PCDH8: variants seen among roughly 807,000 people sequenced by gnomAD.
PCDH8 encodes protocadherin 8, also known as protocadherin-8.
A neutral mutation model predicts 58.2 loss-of-function variants in PCDH8; 36 were observed. The ratio of observed to expected loss-of-function variants is 0.62; its 90% CI spans 0.47 to 0.82. PCDH8 has a LOEUF of 0.82. PCDH8 is among the 40% of genes least tolerant of loss of function. The pLI is 0.00. For missense variants in PCDH8, 1,493 were observed against 1,567.8 expected (o/e 0.95, Z 0.81); for synonymous variants, 775 against 728.9 (o/e 1.06, Z -1.02).
Position 52,844,941 on chromosome 13 carries a change from G to C in PCDH8, c.2840-8C>G, listed in dbSNP as rs371976283. 2 of 1,511,174 alleles carry C rather than the reference G, an allele frequency of 1.3e-6. No individual in the cohort carries two copies. Among genetic ancestry groups the C allele is most frequent in the African/African-American group, 2.8e-5 (2 of 71,594 alleles). 93.6% of individuals were successfully genotyped at this position (1,511,174 alleles called of 1,614,324 possible). ...CGGTGCACGCCCACAGTCCTAATAC[G>C]AAAGGGAAAAGGAAACAGCATGACG... On this transcript the variant is annotated splice_polypyrimidine_tract_variant and splice_region_variant and intron_variant, in intron 2 of 2. Transcript: ENST00000377942.
In PCDH8 at chr13:52,844,503, A is replaced by G; in HGVS notation, c.*57T>C. ...ATATATACAACACTGAAACCGGTCA[A>G]TAACTTAGGGGCTTCTCGGAGTGAC... On this transcript the variant is annotated 3_prime_UTR_variant, in exon 3 of 3. Transcript: ENST00000377942. 6.9e-7 allele frequency: 1 copy of G among 1,456,922 alleles called. No individual in the cohort carries two copies. 90.2% of individuals were successfully genotyped at this position (1,456,922 alleles called of 1,614,324 possible). A position where few individuals can be genotyped will look rare whatever the true frequency, so the allele number is the denominator to read the frequency against.
rs777491120 is a variant in PCDH8 at position 52,845,909 on chromosome 13, G to A, written c.2528C>T (p.Ala843Val). The change falls in exon 1 of 3, where the codon GCG becomes GTG. Residue 843 changes from alanine (A) to valine (V), a missense_variant. Ala to Val is a moderately conservative substitution (Grantham distance 64, BLOSUM62 0). Coordinates refer to ENST00000377942, the MANE Select transcript of PCDH8 (RefSeq NM_002590.4). The part of the protein sequence containing the change: ...GSPAADAPPP[A>V]VAAAEVPGSE... ...GCCCGGCACTTCGGCCGCGGCGACC[G>A]CAGGCGGAGGCGCGTCCGCCGCGGG... is the stretch of plus-strand genomic sequence containing the variant. 1.4e-6 allele frequency: 2 copies of A among 1,477,280 alleles called. No individual in the cohort carries two copies. The highest frequency in any genetic ancestry group is 1.5e-5 in the African/African-American group (1 of 67,630). The allele number at this position is 1,477,280 out of a possible 1,614,324, so 91.5% of individuals were successfully genotyped here. A position where few individuals can be genotyped will look rare whatever the true frequency, so the allele number is the denominator to read the frequency against.
In PCDH8 at chr13:52,846,566, G is replaced by A; in HGVS notation, c.1871C>T (p.Pro624Leu). 6.2e-7 allele frequency: 1 copy of A among 1,603,942 alleles called. No individual in the cohort carries two copies. Among genetic ancestry groups the A allele is most frequent in the African/African-American group, 1.3e-5 (1 of 75,032 alleles). ...AACCGTGTCCTTTGCGGTGCGCCCA[G>A]GCACCGCCACTTCTAGGGAGCCATT... ...PANGSLEVAV[P>L]GRTAKDTVVA... The change falls in exon 1 of 3, where the codon CCT becomes CTT. Residue 624 changes from proline (P) to leucine (L), a missense_variant. Around this residue, in one of 3 missense-constraint regions of PCDH8, gnomAD observed 1,307 missense variants for 1,362.7 expected, o/e 0.96. Transcript: ENST00000377942.
Position 52,847,381 on chromosome 13 carries a change from G to T in PCDH8, c.1056C>A (p.Pro352=), listed in dbSNP as rs1965758404. ...CGGCCAGCGGGGTGATGGCGATGTC[G>T]GGTGCGTTGTCATTGACGTCTCGGA... ...VRIRDVNDNA[P]DIAITPLAAP... Residue 352 remains proline (P), a synonymous_variant, in exon 1 of 3, where the codon CCC becomes CCA. Transcript: ENST00000377942. 6.5e-7 allele frequency: 1 copy of T among 1,531,270 alleles called. No homozygotes were observed. Among genetic ancestry groups the T allele is most frequent in the Admixed American group, 2.0e-5 (1 of 50,194 alleles). 94.9% of individuals were successfully genotyped at this position (1,531,270 alleles called of 1,614,324 possible).
rs1354697808 is a variant in PCDH8 at position 52,846,495 on chromosome 13, C to G, written c.1942G>C (p.Glu648Gln). The change falls in exon 1 of 3, where the codon GAG becomes CAG. Residue 648 changes from glutamate to glutamine, a missense_variant. Physicochemically the swap from Glu to Gln is conservative, Grantham distance 29. Coordinates refer to ENST00000377942, the MANE Select transcript of PCDH8 (RefSeq NM_002590.4). The stretch of plus-strand genomic sequence containing the variant: ...TGCTGCTGCAGCTCGAACGCCAGCT[C>G]CCCGTTGGCTCCCTCGTCTGCATCC... ...ARDADEGANG[E>Q]LAFELQQQEP... 6.3e-7 allele frequency: 1 copy of G among 1,597,876 alleles called. No homozygotes were observed. The highest frequency in any genetic ancestry group is 8.5e-7 in the Non-Finnish European group (1 of 1,179,008).
In PCDH8 at chr13:52,845,585, C is replaced by T. The variant is rs1228048588; in HGVS notation, c.2679G>A (p.Val893=). Residue 893 remains valine (V), a synonymous_variant, in exon 2 of 3, where the codon GTG becomes GTA. Coordinates refer to ENST00000377942, the MANE Select transcript of PCDH8 (RefSeq NM_002590.4). ...PGFGKEPAPP[V]AVWKGHSFNT... ...TGAAGGAGTGTCCTTTCCACACCGC[C>T]ACAGGGGGCGCCGGCTCCTTTCCAA... 1 of 1,614,140 alleles carries T rather than the reference C, an allele frequency of 6.2e-7. No homozygotes were observed. The highest frequency in any genetic ancestry group is 1.1e-5 in the South Asian group (1 of 91,082).
Position 52,845,926 on chromosome 13 carries a change from C to A in PCDH8, c.2511G>T (p.Ala837=). The stretch of plus-strand genomic sequence containing the variant: ...CGGCGACCGCAGGCGGAGGCGCGTC[C>A]GCCGCGGGGCTGCCAAAGGGCGCTT... ...TGKAPFGSPA[A]DAPPPAVAAA... Residue 837 remains alanine, a synonymous_variant, in exon 1 of 3, where the codon GCG becomes GCT. Transcript: ENST00000377942. 2 of 1,480,762 alleles carry A rather than the reference C, an allele frequency of 1.4e-6. No individual in the cohort carries two copies. Among genetic ancestry groups the A allele is most frequent in the South Asian group, 1.3e-5 (1 of 76,802 alleles). 91.7% of individuals were successfully genotyped at this position (1,480,762 alleles called of 1,614,324 possible).
Position 52,847,535 on chromosome 13 carries a change from G to T in PCDH8, c.902C>A (p.Pro301Gln). 4 of 1,578,836 alleles carry T rather than the reference G, an allele frequency of 2.5e-6. No individual in the cohort carries two copies. The highest frequency in any genetic ancestry group is 3.4e-6 in the Non-Finnish European group (4 of 1,169,636). ...PEARRLFRLD[P>Q]RSGRLTLAGP... is the part of the protein sequence containing the mutation. Reference sequence around the variant, plus strand: ...GGCCAGGGTGAGGCGGCCTGATCGCGGGTCAAGCCGAAAGAGGCGGCGCGC... The same window carrying T: ...GGCCAGGGTGAGGCGGCCTGATCGCTGGTCAAGCCGAAAGAGGCGGCGCGC... Residue 301 changes from proline to glutamine, a missense_variant, in exon 1 of 3, where the codon CCG (proline) becomes CAG (glutamine). Pro to Gln is a moderately conservative substitution (Grantham distance 76). Around this residue, in one of 3 missense-constraint regions of PCDH8, gnomAD observed 1,307 missense variants for 1,362.7 expected, o/e 0.96. Transcript: ENST00000377942.
rs1395641520 is a variant in PCDH8, at chr13:52,843,904, T to A, written c.*656A>T. 1 of 152,348 alleles carries A rather than the reference T, an allele frequency of 6.6e-6. No individual in the cohort carries two copies. Among genetic ancestry groups the A allele is most frequent in the African/African-American group, 2.4e-5 (1 of 41,446 alleles). The allele number at this position is 152,348 out of a possible 1,614,324, so 9.4% of individuals were successfully genotyped here. A position where few individuals can be genotyped will look rare whatever the true frequency, so the allele number is the denominator to read the frequency against. Reference sequence around the variant, plus strand: ...CAAATAATTAGCACTTGAAAGAAGGTTTCATTCTGATACTCAAATTATTTG... The same window carrying A: ...CAAATAATTAGCACTTGAAAGAAGGATTCATTCTGATACTCAAATTATTTG... On this transcript the variant is annotated 3_prime_UTR_variant, in exon 3 of 3. Coordinates refer to ENST00000377942, the MANE Select transcript of PCDH8 (RefSeq NM_002590.4).
chr13:52,843,756 A>T lies in PCDH8; in HGVS notation c.*804T>A, dbSNP rs1001196346. ...GAATAAATGAGAGCAGGGATTTTAT[A>T]GACTAATACATATGGAGATGCACAT... is the stretch of plus-strand genomic sequence containing the variant. On this transcript the variant is annotated 3_prime_UTR_variant, in exon 3 of 3. Coordinates refer to ENST00000377942, the MANE Select transcript of PCDH8 (RefSeq NM_002590.4). 2.6e-5 allele frequency: 4 copies of T among 152,250 alleles called. No individual in the cohort carries two copies. The highest frequency in any genetic ancestry group is 9.6e-5 in the African/African-American group (4 of 41,476). The allele number at this position is 152,250 out of a possible 1,614,324, so 9.4% of individuals were successfully genotyped here.
In PCDH8 at chr13:52,842,992, G is replaced by T. The variant is rs1333153693; in HGVS notation, c.*1568C>A. 2 of 152,054 alleles carry T rather than the reference G, an allele frequency of 1.3e-5. No individual in the cohort carries two copies. The highest frequency in any genetic ancestry group is 2.4e-5 in the African/African-American group (1 of 41,382). The allele number at this position is 152,054 out of a possible 1,614,324, so 9.4% of individuals were successfully genotyped here. A position where few individuals can be genotyped will look rare whatever the true frequency, so the allele number is the denominator to read the frequency against. ...TTTTGGCATTTTATCTAACCTTCTT[G>T]TGCCTCGGTTTCTTTAATTGCAAAA... is the stretch of plus-strand genomic sequence containing the variant. On this transcript the variant is annotated 3_prime_UTR_variant, in exon 3 of 3. Transcript: ENST00000377942.
chr13:52,848,403 G>A lies in PCDH8; in HGVS notation c.34C>T (p.Leu12Phe), dbSNP rs750884375. The A allele has an allele frequency of 2.5e-6, 4 of 1,609,758 alleles. No homozygotes were observed. Among genetic ancestry groups the A allele is most frequent in the South Asian group, 2.2e-5 (2 of 91,000 alleles). ...SPVRRWGSPC[L>F]FPLQLFSLCW... ...AGGCTGAAGAGCTGCAAGGGGAAAA[G>A]GCAGGGGCTGCCCCAACGCCTCACA... Residue 12 changes from leucine to phenylalanine, a missense_variant, in exon 1 of 3, where the codon CTT (leucine) becomes TTT (phenylalanine). Physicochemically the swap from Leu to Phe is conservative, Grantham distance 22 (BLOSUM62 0). Around this residue, in one of 3 missense-constraint regions of PCDH8, gnomAD observed 1,307 missense variants for 1,362.7 expected, o/e 0.96. Coordinates refer to ENST00000377942, the MANE Select transcript of PCDH8 (RefSeq NM_002590.4).
At position 52,847,419 on chromosome 13, in the gene PCDH8, C is replaced by T. The variant is rs770778372; in HGVS notation, c.1018G>A (p.Val340Ile). ...TTGACGTCTCGGATGCGCACGATGA[C>T]CTTGCAGGTGGCAGCGCGGGGCCCG... Reference protein sequence around the residue: ...GPGPRAATCKVIVRIRDVNDN... With the variant: ...GPGPRAATCKIIVRIRDVNDN... Residue 340 changes from valine (V) to isoleucine (I), a missense_variant, in exon 1 of 3, where the codon GTC becomes ATC. This residue lies in a region of PCDH8 where 1,307 missense variants were observed against 1,362.7 expected (regional missense o/e 0.96). Transcript: ENST00000377942. The T allele has an allele frequency of 6.3e-7, 1 of 1,584,674 alleles. No homozygotes were observed. The highest frequency in any genetic ancestry group is 8.5e-7 in the Non-Finnish European group (1 of 1,172,270).
At position 52,848,064 on chromosome 13, in the gene PCDH8, C is replaced by A. The variant is rs1421225101; in HGVS notation, c.373G>T (p.Val125Leu). The change falls in exon 1 of 3, where the codon GTG becomes TTG. Residue 125 changes from valine (V) to leucine (L), a missense_variant. Transcript: ENST00000377942. ...QFRLVHVEVEVRDVNDHAPRF... is the reference protein window; with the variant it reads ...QFRLVHVEVELRDVNDHAPRF... ...GGCGCGTGGTCGTTGACGTCCCTCA[C>A]CTCTACCTCCACGTGCACCAGCCGG... 1 of 1,612,636 alleles carries A rather than the reference C, an allele frequency of 6.2e-7. No homozygotes were observed. Among genetic ancestry groups the A allele is most frequent in the South Asian group, 1.1e-5 (1 of 91,048 alleles).
rs754700312 is a variant in PCDH8 at position 52,848,251 on chromosome 13, G to A, written c.186C>T (p.Ser62=). The change falls in exon 1 of 3, where the codon AGC becomes AGT. Residue 62 remains serine (S), a synonymous_variant. Transcript: ENST00000377942. ...TGTTGAATTGCTTCATCAGGCGGAA[G>A]CTTGTGTCACCCGATACTTTCATAT... ...DLHMKVSGDT[S]FRLMKQFNSS... 4.3e-6 allele frequency: 7 copies of A among 1,613,610 alleles called. No individual in the cohort carries two copies. In the Admixed American group the frequency reaches 1.2e-4, roughly 27 times the overall value.
At position 52,844,836 on chromosome 13, in the gene PCDH8, G is replaced by T. The variant is rs745572281; in HGVS notation, c.2937C>A (p.His979Gln). ...CSGPNAHPSP[H>Q]PPAQMSTFCK... ...AGAAGGTTGACATCTGGGCTGGTGGGTGAGGCGATGGATGTGCGTTGGGCC... is the reference window on the plus strand; with the variant it reads ...AGAAGGTTGACATCTGGGCTGGTGGTTGAGGCGATGGATGTGCGTTGGGCC... The change falls in exon 3 of 3, where the codon CAC (histidine) becomes CAA (glutamine). Residue 979 changes from histidine to glutamine, a missense_variant. Physicochemically the swap from His to Gln is conservative, Grantham distance 24 (BLOSUM62 0). Coordinates refer to ENST00000377942, the MANE Select transcript of PCDH8 (RefSeq NM_002590.4). 6.2e-7 allele frequency: 1 copy of T among 1,611,166 alleles called. No homozygotes were observed. The highest frequency in any genetic ancestry group is 1.3e-5 in the African/African-American group (1 of 75,046).
chr13:52,848,458 C>G lies in PCDH8; in HGVS notation c.-22G>C. 1 of 1,567,562 alleles carries G rather than the reference C, an allele frequency of 6.4e-7. No homozygotes were observed. Among genetic ancestry groups the G allele is most frequent in the Non-Finnish European group, 8.6e-7 (1 of 1,160,874 alleles). On this transcript the variant is annotated 5_prime_UTR_variant, in exon 1 of 3. Transcript: ENST00000377942. The stretch of plus-strand genomic sequence containing the variant: ...TCATGCCTCCAGCCTCAAGTGCGAT[C>G]CGAAAGGCTAAGGAAGTCTTCTCTG...
chr13:52,845,984 A>T lies in PCDH8; in HGVS notation c.2453T>A (p.Met818Lys). 1 of 1,483,062 alleles carries T rather than the reference A, an allele frequency of 6.7e-7. No homozygotes were observed. The highest frequency in any genetic ancestry group is 8.8e-7 in the Non-Finnish European group (1 of 1,130,786). 91.9% of individuals were successfully genotyped at this position (1,483,062 alleles called of 1,614,324 possible). A position where few individuals can be genotyped will look rare whatever the true frequency, so the allele number is the denominator to read the frequency against. Residue 818 changes from methionine (M) to lysine (K), a missense_variant, in exon 1 of 3, where the codon ATG becomes AAG. By Grantham distance (95) the Met-to-Lys change is moderately conservative. Transcript: ENST00000377942. Reference protein sequence around the residue: ...AARGAGPRPNMFDVLTFPGTG... With the variant: ...AARGAGPRPNKFDVLTFPGTG... The stretch of plus-strand genomic sequence containing the variant: ...GCCAGGGAAGGTGAGCACGTCGAAC[A>T]TGTTGGGCCTGGGCCCGGCTCCCCG...
rs1262413636 is a variant in PCDH8 at position 52,845,839 on chromosome 13, C to G, written c.2598G>C (p.Glu866Asp). The G allele has an allele frequency of 6.6e-7, 1 of 1,517,518 alleles. No individual in the cohort carries two copies. The highest frequency in any genetic ancestry group is 8.8e-7 in the Non-Finnish European group (1 of 1,140,554). The allele number at this position is 1,517,518 out of a possible 1,614,324, so 94.0% of individuals were successfully genotyped here. A position where few individuals can be genotyped will look rare whatever the true frequency, so the allele number is the denominator to read the frequency against. ...GCGCGCCGCGGAGCCGCTGCTGCCC[C>G]TCGAAGTGACAGGCGCTTTCCCCAG... ...SATGESACHF[E>D]GQQRLRGAHA... Residue 866 changes from glutamate to aspartate, a missense_variant, in exon 1 of 3, where the codon GAG becomes GAC. Glu to Asp is a conservative substitution (Grantham distance 45). Around this residue, in one of 3 missense-constraint regions of PCDH8, gnomAD observed 1,307 missense variants for 1,362.7 expected, o/e 0.96. Transcript: ENST00000377942.
Sources: allele counts gnomAD v4.1 joint callset, GRCh38; gene constraint gnomAD v4.1.1; regional missense constraint gnomAD v4.1.1; transcripts MANE v1.5; gene names NCBI Gene and HGNC (gene_info 2026-07-23, HGNC 2026-07-21).